NIN: variants seen among roughly 807,000 people sequenced by gnomAD.
NIN encodes the protein glycogen synthase kinase 3 beta-interacting protein.
Under a neutral mutation model 257.6 loss-of-function variants are expected in NIN, and 137 were observed. The observed-to-expected ratio is 0.53, with a 90% CI of 0.46 to 0.61. NIN has a LOEUF of 0.61. Among genes scored for constraint, NIN ranks in the 20% least tolerant of loss-of-function variants. NIN has a pLI of 0.00. For synonymous variants in NIN, 918 were observed against 919.8 expected (o/e 1.00, Z 0.04); for missense variants, 2,439 against 2,501.2 (o/e 0.98, Z 0.53).
chr14:50,726,649 A>T (rs997997572), intron 29 of NIN, among the ~76,000 whole-genome samples: 7 of 152,194 alleles, frequency 4.6e-5, no homozygotes, highest in Non-Finnish European at 1.0e-4. Flanking sequence ...TCTGGATTGG[A>T]GGATGGGTTT....
In NIN at chr14:50,831,162, C is replaced by T. The variant is rs1476595571; in HGVS notation, c.-232G>A. On this transcript the variant is annotated 5_prime_UTR_variant, in exon 1 of 31. Coordinates refer to ENST00000530997, the MANE Select transcript of NIN (RefSeq NM_020921.4). ...GCTCTGGACGCCGGGGAGGAAGGGCCGGGCCCGCGCGGGGAGGAGGAGTCA... is the reference window on the plus strand; with the variant it reads ...GCTCTGGACGCCGGGGAGGAAGGGCTGGGCCCGCGCGGGGAGGAGGAGTCA... 2 of 150,644 alleles carry T rather than the reference C, an allele frequency of 1.3e-5. No individual in the cohort carries two copies. The highest frequency in any genetic ancestry group is 3.0e-5 in the Non-Finnish European group (2 of 67,504). 9.3% of individuals were successfully genotyped at this position (150,644 alleles called of 1,614,324 possible).
chr14:50,770,908 G>A lies in NIN; in HGVS notation c.1203C>T (p.Ala401=). The A allele has an allele frequency of 6.2e-7, 1 of 1,614,164 alleles. No individual in the cohort carries two copies. Among genetic ancestry groups the A allele is most frequent in the South Asian group, 1.1e-5 (1 of 91,076 alleles). ...DKAEKLKSLM[A]SEVDDHHAAI... is the part of the protein sequence containing the mutation. ...CCGCATGGTGATCATCCACCTCCGAGGCCATTAAAGACTTGAGCTTCTCGG... is the reference window on the plus strand; with the variant it reads ...CCGCATGGTGATCATCCACCTCCGAAGCCATTAAAGACTTGAGCTTCTCGG... The change falls in exon 11 of 31, where the codon GCC becomes GCT. Residue 401 remains alanine (A), a synonymous_variant. Transcript: ENST00000530997.
rs781778705 is a variant in NIN at position 50,827,476 on chromosome 14, G to A, written c.-22+2988C>T. ...TACATTTGAAAAAATGGCTGGGAGCGGGGGCTCATGCCTGTAATCATAGCA... is the reference window on the plus strand; with the variant it reads ...TACATTTGAAAAAATGGCTGGGAGCAGGGGCTCATGCCTGTAATCATAGCA... On this transcript the variant is annotated intron_variant, in intron 2 of 30. Transcript: ENST00000530997. Among the ~76,000 whole-genome samples the A allele has an allele frequency of 3.4e-4, 52 of 152,026 alleles. 1 individual carries two copies. The highest frequency in any genetic ancestry group is 3.2e-3 in the Admixed American group (49 of 15,274).
chr14:50,778,385 C>T (rs1489037512), intron 6 of NIN, among the ~76,000 whole-genome samples: 1 of 152,126 alleles, frequency 6.6e-6, no homozygotes, highest in Non-Finnish European at 1.5e-5. Flanking sequence ...CCAGGCTGGT[C>T]ATGAACTACT....
chr14:50,732,609 A>G (rs2040770431), intron 28 of NIN, among the ~76,000 whole-genome samples: 1 of 152,256 alleles, frequency 6.6e-6, no homozygotes, highest in African/African-American at 2.4e-5. Context: ...TGTTAGGTAT[A>G]TATTTATCAC....
chr14:50,767,717 T>C (rs1340691166), intron 12 of NIN, among the ~76,000 whole-genome samples: 1 of 151,132 alleles, frequency 6.6e-6, no homozygotes, highest in Non-Finnish European at 1.5e-5. Context: ...CTTGGGAGGC[T>C]GAGGCGGGAG....
At chr14:50,821,326 G>A (rs1034073224) in intron 3 of NIN, among the ~76,000 whole-genome samples, 1 of 152,228 alleles carries the variant, frequency 6.6e-6, no homozygotes, top group African/African-American at 2.4e-5. Flanking sequence ...AAACACAGAG[G>A]TTAACATTGG....
At position 50,798,858 on chromosome 14, in the gene NIN, A is replaced by G. The variant is rs190577152; in HGVS notation, c.266-5977T>C. 2.2e-4 allele frequency among the ~76,000 whole-genome samples: 34 copies of G among 152,338 alleles called. No homozygotes were observed. The East Asian group carries it at 6.0e-3, about 27-fold the overall frequency. On this transcript the variant is annotated intron_variant, in intron 4 of 30. Transcript: ENST00000530997. ...CAGTGGCACAATCTCAGCTCACTGCAAACTCCACCTCCCAGGTTCAAGCGA... is the reference window on the plus strand; with the variant it reads ...CAGTGGCACAATCTCAGCTCACTGCGAACTCCACCTCCCAGGTTCAAGCGA...
chr14:50,806,928 A>C, intron 3 of NIN, 110 bp from the exon 4 acceptor site: 1 of 522,794 alleles, frequency 1.9e-6, no homozygotes, highest in Non-Finnish European at 3.3e-6. Context: ...CCTTGAAGTG[A>C]GTCATAATCC....
intron 5 of NIN, among the ~76,000 whole-genome samples, chr14:50,782,392 C>A (rs558922415): frequency 1.3e-5 from 2 of 152,014 alleles, no homozygotes; most frequent in Non-Finnish European, 2.9e-5. Flanking sequence ...ATTCAACAAT[C>A]GAGCATAAAG....
At chr14:50,770,247 A>G in intron 12 of NIN, 141 bp downstream of exon 12, 2 of 768,308 alleles carry the variant, frequency 2.6e-6, no homozygotes, top group Non-Finnish European at 4.2e-6. Flanking sequence ...GGCCCTGCCA[A>G]GTCTGGGTGA....
At chr14:50,779,985 C>T (rs1255721375) in intron 5 of NIN, among the ~76,000 whole-genome samples, 1 of 152,192 alleles carries the variant, frequency 6.6e-6, no homozygotes, top group East Asian at 1.9e-4. Flanking sequence ...TTACTCCTGC[C>T]TCTTCTCCAA....
chr14:50,767,744 G>A (rs1054906448), intron 12 of NIN, among the ~76,000 whole-genome samples: 9 of 151,428 alleles, frequency 5.9e-5, no homozygotes, highest in African/African-American at 1.7e-4. Context: ...GTGAACCCGG[G>A]AGGTGGAGCT....
intron 5 of NIN, among the ~76,000 whole-genome samples, chr14:50,789,573 G>GAAAAC (rs555442791): frequency 1.9e-4 from 29 of 152,132 alleles, no homozygotes; most frequent in Admixed American, 7.9e-4. Flanking sequence ...TCCATCTCAA[G>GAAAAC]AAAACAAAAC....
At position 50,757,378 on chromosome 14, in the gene NIN, A is replaced by G. The variant is rs1038765672; in HGVS notation, c.3652T>C (p.Ser1218Pro). ...MMLCADCDRA[S>P]EKKQDLLFDV... ...AAAAGTAGGTCCTGTTTCTTTTCAG[A>G]AGCTCGATCACAGTCCGCACATAAC... The change falls in exon 18 of 31, where the codon TCT becomes CCT. Residue 1218 changes from serine (S) to proline (P), a missense_variant. By Grantham distance (74) the Ser-to-Pro change is moderately conservative. Coordinates refer to ENST00000530997, the MANE Select transcript of NIN (RefSeq NM_020921.4). 6.2e-7 allele frequency: 1 copy of G among 1,613,872 alleles called. No individual in the cohort carries two copies. Among genetic ancestry groups the G allele is most frequent in the Admixed American group, 1.7e-5 (1 of 59,950 alleles).
At chr14:50,774,832 G>A (rs1401392784) in intron 7 of NIN, among the ~76,000 whole-genome samples, 2 of 152,226 alleles carry the variant, frequency 1.3e-5, no homozygotes, top group Non-Finnish European at 2.9e-5. Context: ...GAATAGAAGA[G>A]TGTGGATTCA....
chr14:50,814,661 C>A (rs375974039), intron 3 of NIN, among the ~76,000 whole-genome samples: 1 of 152,236 alleles, frequency 6.6e-6, no homozygotes, highest in East Asian at 1.9e-4. Context: ...TTACAGTAAC[C>A]AAAACAGCAT....
At chr14:50,772,244 T>A in intron 9 of NIN, 57 bp downstream of exon 9, 1 of 1,457,870 alleles carries the variant, frequency 6.9e-7, no homozygotes, top group Non-Finnish European at 9.3e-7. Context: ...AAAAATAAAA[T>A]TGAAAATTTT....
At chr14:50,751,957 T>C (rs2041805992) in intron 21 of NIN, among the ~76,000 whole-genome samples, 1 of 152,222 alleles carries the variant, frequency 6.6e-6, no homozygotes, top group South Asian at 2.1e-4. Context: ...CTCACTGTGG[T>C]ATATGTTGTG....
Sources: gnomAD v4.1 joint callset for allele counts (sites outside exome capture counted in the v4.1 genomes callset) on GRCh38, gnomAD v4.1.1 for gene constraint, MANE v1.5 for transcripts, NCBI Gene and HGNC (gene_info 2026-07-23, HGNC 2026-07-21) for gene names.